Variants in CADPS2 observed in about 807,000 individuals in gnomAD.
CADPS2 encodes the protein calcium dependent secretion activator 2.
A neutral mutation model predicts 172.5 loss-of-function variants in CADPS2; 93 were observed. The ratio of observed to expected loss-of-function variants is 0.54; its 90% CI spans 0.46 to 0.64. CADPS2 has a LOEUF of 0.64. Ranked by LOEUF, CADPS2 falls within the 30% of genes least tolerant of loss-of-function variation. The pLI is 0.00. For missense variants in CADPS2, 1,420 were observed against 1,565.9 expected, an observed-to-expected ratio of 0.91 and a Z score of 1.57; for synonymous variants, 546 against 555.2, an observed-to-expected ratio of 0.98 and a Z score of 0.23.
Position 122,853,994 on chromosome 7 carries a change from A to G in CADPS2, c.339+32005T>C, listed in dbSNP as rs369367968. Among the ~76,000 whole-genome samples, 13 of 152,308 alleles carry G rather than the reference A, an allele frequency of 8.5e-5. No homozygotes were observed. The East Asian group carries it at 2.5e-3, about 29-fold the overall frequency. ...GCCCTGTCCTTCCTTCAAAGAGCCT[A>G]CAGCAATTCGTTAACACCAACAGAC... is the stretch of plus-strand genomic sequence containing the variant. On this transcript the variant is annotated intron_variant, in intron 1 of 29. Transcript: ENST00000449022.
chr7:122,875,122 C>T (rs772342133), intron 1 of CADPS2, among the ~76,000 whole-genome samples: 3 of 152,112 alleles, frequency 2.0e-5, no homozygotes, highest in African/African-American at 7.2e-5. Context: ...AGTGTGTATA[C>T]GTTTGCAGAT....
chr7:122,405,680 G>A (rs956397720), intron 20 of CADPS2, among the ~76,000 whole-genome samples: 3 of 151,918 alleles, frequency 2.0e-5, no homozygotes, highest in African/African-American at 4.8e-5. Context: ...ACAAAAAACC[G>A]GCTTAGGATA....
At chr7:122,468,340 C>G (rs938277595) in intron 14 of CADPS2, among the ~76,000 whole-genome samples, 6 of 152,254 alleles carry the variant, frequency 3.9e-5, no homozygotes, top group Admixed American at 3.3e-4. Flanking sequence ...AAACAAAAGT[C>G]TCTATAAATA....
Position 122,441,541 on chromosome 7 carries a change from G to C in CADPS2, c.2323C>G (p.Leu775Val). Reference sequence around the variant, plus strand: ...TCAAGTAATGAAAGTGTAGCTTTTAGAGCACCTTCAGGTCGTCCAAAGGGA... The same window carrying C: ...TCAAGTAATGAAAGTGTAGCTTTTACAGCACCTTCAGGTCGTCCAAAGGGA... ...CFPFGRPEGA[L>V]KATLSLLERV... Residue 775 changes from leucine to valine, a missense_variant, in exon 16 of 30, where the codon CTA (leucine) becomes GTA (valine). Leu to Val is a conservative substitution (Grantham distance 32). Transcript: ENST00000449022. 6.5e-7 allele frequency: 1 copy of C among 1,535,294 alleles called. No individual in the cohort carries two copies. Among genetic ancestry groups the C allele is most frequent in the Non-Finnish European group, 8.8e-7 (1 of 1,141,276 alleles).
At chr7:122,760,061 T>G (rs998370510) in intron 1 of CADPS2, among the ~76,000 whole-genome samples, 3 of 151,760 alleles carry the variant, frequency 2.0e-5, no homozygotes, top group East Asian at 3.9e-4. Flanking sequence ...AATGAATAAT[T>G]TTACACACAG....
intron 28 of CADPS2, among the ~76,000 whole-genome samples, chr7:122,339,821 G>A (rs966430272): frequency 6.6e-6 from 1 of 152,226 alleles, no homozygotes; most frequent in South Asian, 2.1e-4. Flanking sequence ...GGAAGTGGAG[G>A]TTGCAGTGAG....
intron 1 of CADPS2, among the ~76,000 whole-genome samples, chr7:122,800,845 G>A (rs1333694731): frequency 1.3e-5 from 2 of 152,042 alleles, no homozygotes; most frequent in Non-Finnish European, 2.9e-5. Flanking sequence ...ACAAAAATTA[G>A]CCGGGCGTGG....
intron 1 of CADPS2, among the ~76,000 whole-genome samples, chr7:122,809,766 C>A (rs1483646836): frequency 6.6e-6 from 1 of 152,072 alleles, no homozygotes; most frequent in Admixed American, 6.6e-5. Flanking sequence ...ATATACAGAA[C>A]CTGGAATGTA....
intron 1 of CADPS2, among the ~76,000 whole-genome samples, chr7:122,803,245 C>A (rs1798024358): frequency 6.6e-6 from 1 of 152,184 alleles, no homozygotes; most frequent in Non-Finnish European, 1.5e-5. Context: ...CCCTGTCCTG[C>A]TGCTTTAAAA....
At chr7:122,690,437 A>G (rs964577771) in intron 2 of CADPS2, among the ~76,000 whole-genome samples, 1 of 152,190 alleles carries the variant, frequency 6.6e-6, no homozygotes, top group African/African-American at 2.4e-5. Context: ...GAGGTCACAC[A>G]TTAAATACCC....
At chr7:122,782,751 C>A (rs929404925) in intron 1 of CADPS2, among the ~76,000 whole-genome samples, 1 of 152,134 alleles carries the variant, frequency 6.6e-6, no homozygotes, top group Non-Finnish European at 1.5e-5. Context: ...TGTACTGATA[C>A]ATGGATTTTC....
At chr7:122,697,827 C>T (rs941632933) in intron 2 of CADPS2, 1 of 1,605,410 alleles carries the variant, frequency 6.2e-7, no homozygotes. Context: ...CTGAATGAGG[C>T]TGGATGTCAT....
chr7:122,705,486 A>G lies in CADPS2; in HGVS notation c.453+31469T>C, dbSNP rs571416426. 1.4e-4 allele frequency among the ~76,000 whole-genome samples: 18 copies of G among 126,480 alleles called. No homozygotes were observed. In the South Asian group the frequency reaches 1.6e-3, roughly 11 times the overall value. 83.0% of individuals were successfully genotyped at this position (126,480 alleles called of 152,430 possible). On this transcript the variant is annotated intron_variant, in intron 2 of 29. Coordinates refer to ENST00000449022, the MANE Select transcript of CADPS2 (RefSeq NM_017954.11). Reference sequence around the variant, plus strand: ...ATTATATATTATATATATTTATATTATATATTATCTATATTATATATTATC... The same window carrying G: ...ATTATATATTATATATATTTATATTGTATATTATCTATATTATATATTATC...
chr7:122,457,729 T>C (rs901107003), intron 14 of CADPS2, among the ~76,000 whole-genome samples: 5 of 152,204 alleles, frequency 3.3e-5, no homozygotes, highest in African/African-American at 1.2e-4. Context: ...CTATACCATC[T>C]TCTAGAGTTA....
intron 3 of CADPS2, among the ~76,000 whole-genome samples, chr7:122,653,922 A>T (rs1216857822): frequency 6.6e-6 from 1 of 152,186 alleles, no homozygotes; most frequent in Admixed American, 6.5e-5. Context: ...TCCCTAAAAC[A>T]CACTAACATT....
At chr7:122,421,590 T>C (rs1307820942) in intron 17 of CADPS2, among the ~76,000 whole-genome samples, 1 of 152,242 alleles carries the variant, frequency 6.6e-6, no homozygotes, top group East Asian at 1.9e-4. Flanking sequence ...GTAAGGTACT[T>C]CGCTAGCCAC....
At chr7:122,773,828 C>T (rs537950860) in intron 1 of CADPS2, among the ~76,000 whole-genome samples, 1 of 152,102 alleles carries the variant, frequency 6.6e-6, no homozygotes, top group Non-Finnish European at 1.5e-5. Flanking sequence ...CTTAAATTAC[C>T]TTTCACATTT....
intron 1 of CADPS2, among the ~76,000 whole-genome samples, chr7:122,768,870 T>C (rs1192327685): frequency 2.0e-5 from 3 of 151,730 alleles, no homozygotes; most frequent in African/African-American, 4.8e-5. Context: ...AAATGAAGAA[T>C]GACAGCCAAG....
chr7:122,436,196 T>C (rs1329666416), intron 17 of CADPS2, among the ~76,000 whole-genome samples: 3 of 152,102 alleles, frequency 2.0e-5, no homozygotes, highest in East Asian at 1.9e-4. Flanking sequence ...GTTTATGCTA[T>C]AGATTGCAAT....
Sources: gnomAD v4.1 joint callset for allele counts (sites outside exome capture counted in the v4.1 genomes callset) on GRCh38, gnomAD v4.1.1 for gene constraint, MANE v1.5 for transcripts, NCBI Gene and HGNC (gene_info 2026-07-23, HGNC 2026-07-21) for gene names.